The following TK2 variants were observed in gnomAD, a reference collection of about 807,000 sequenced individuals.
TK2 encodes thymidine kinase 2.
Under a neutral mutation model 41.9 loss-of-function variants are expected in TK2, and 35 were observed. The observed-to-expected ratio is 0.84, with a 90% CI of 0.64 to 1.11. The LOEUF is 1.11. Ranked by LOEUF, TK2 falls within the 50% of genes least tolerant of loss-of-function variation. TK2 has a pLI of 0.00. For missense variants in TK2, 320 were observed against 351.1 expected, an observed-to-expected ratio of 0.91 and a Z score of 0.71; for synonymous variants, 128 against 129.1, an observed-to-expected ratio of 0.99 and a Z score of 0.06.
intron 4 of TK2, among the ~76,000 whole-genome samples, chr16:66,535,946 C>T (rs774405601): frequency 2.6e-5 from 4 of 152,090 alleles, no homozygotes; most frequent in Non-Finnish European, 5.9e-5. Context: ...GGCTCACGCC[C>T]GTAATCCCAG....
At chr16:66,549,838 G>C (rs1167099162) in intron 1 of TK2, 100 bp downstream of exon 1, 5 of 1,284,944 alleles carry the variant, frequency 3.9e-6, no homozygotes, top group Non-Finnish European at 4.9e-6. Context: ...CCGCGCCTCG[G>C]AAGAGGCGCT....
At chr16:66,527,919 C>T (rs1964984057) in intron 6 of TK2, among the ~76,000 whole-genome samples, 1 of 152,212 alleles carries the variant, frequency 6.6e-6, no homozygotes, top group Admixed American at 6.5e-5. Context: ...GTAGTCCCAG[C>T]TACTCGGGAG....
At chr16:66,538,147 A>T (rs2032059193) in intron 3 of TK2, among the ~76,000 whole-genome samples, 1 of 152,142 alleles carries the variant, frequency 6.6e-6, no homozygotes, top group South Asian at 2.1e-4. Flanking sequence ...TGGGTGACAG[A>T]GCAAGACTCC....
At chr16:66,524,951 CT>C (rs1165058140) in intron 6 of TK2, 1 of 152,320 alleles carries the variant, frequency 6.6e-6, no homozygotes, top group Non-Finnish European at 1.5e-5. Flanking sequence ...TCCTCATTTG[CT>C]GCTTGCCCCC....
At chr16:66,530,331 T>C (rs1965070952) in intron 5 of TK2, among the ~76,000 whole-genome samples, 2 of 152,332 alleles carry the variant, frequency 1.3e-5, no homozygotes, top group East Asian at 1.9e-4. Context: ...GCTGGCATCA[T>C]AGGTTGTGCT....
Position 66,549,933 on chromosome 16 carries a change from G to T in TK2, c.124+5C>A. The T allele has an allele frequency of 7.4e-7, 1 of 1,353,874 alleles. No individual in the cohort carries two copies. Among genetic ancestry groups the T allele is most frequent in the Non-Finnish European group, 9.4e-7 (1 of 1,062,008 alleles). The allele number at this position is 1,353,874 out of a possible 1,614,324, so 83.9% of individuals were successfully genotyped here. ...CCTGGGAGGCGGGACCAAGACGCGC[G>T]TTACCGGGAGGCCAGGCCCGGCGCT... On this transcript the variant is annotated splice_donor_5th_base_variant and intron_variant, in intron 1 of 9. Transcript: ENST00000544898.
At chr16:66,512,452 A>C (rs1419311618) in intron 9 of TK2, among the ~76,000 whole-genome samples, 2 of 151,736 alleles carry the variant, frequency 1.3e-5, no homozygotes, top group African/African-American at 4.8e-5. Flanking sequence ...TTTTTTCCAT[A>C]ATGAGGGAGA....
upstream of TK2, chr16:66,550,153 C>T: frequency 6.2e-7 from 1 of 1,612,662 alleles, no homozygotes; most frequent in Non-Finnish European, 8.5e-7. Flanking sequence ...CCGCCTGGAT[C>T]CCGGCGCCTG....
At chr16:66,528,928 C>T in intron 6 of TK2, 66 bp downstream of exon 6, 2 of 1,481,044 alleles carry the variant, frequency 1.4e-6, no homozygotes, top group East Asian at 2.3e-5. Flanking sequence ...ATCGAATAAA[C>T]AAGTTTCTAT....
intron 5 of TK2, among the ~76,000 whole-genome samples, chr16:66,529,716 T>C (rs1237376498): frequency 6.6e-6 from 1 of 152,106 alleles, no homozygotes; most frequent in African/African-American, 2.4e-5. Flanking sequence ...AACACTACTC[T>C]CACTTGGCCA....
intron 6 of TK2, among the ~76,000 whole-genome samples, chr16:66,521,955 G>A (rs1964793361): frequency 6.6e-6 from 1 of 152,232 alleles, no homozygotes; most frequent in South Asian, 2.1e-4. Flanking sequence ...CCCAGTCTGT[G>A]CGGAATGGAA....
At chr16:66,525,027 C>T (rs1161323329) in intron 6 of TK2, 1 of 152,284 alleles carries the variant, frequency 6.6e-6, no homozygotes, top group Non-Finnish European at 1.5e-5. Flanking sequence ...GGAAGGAGCA[C>T]TGGCTTTGTA....
Position 66,549,906 on chromosome 16 carries a change from C to G in TK2, c.124+32G>C, listed in dbSNP as rs2144497359. On this transcript the variant is annotated intron_variant, in intron 1 of 9. Coordinates refer to ENST00000544898, the MANE Select transcript of TK2 (RefSeq NM_004614.5). The stretch of plus-strand genomic sequence containing the variant: ...CCGGGAGTAGGTGGGCGCATAGGGG[C>G]TCCTGGGAGGCGGGACCAAGACGCG... The G allele has an allele frequency of 3.0e-6, 4 of 1,342,776 alleles. No individual in the cohort carries two copies. The East Asian group carries it at 8.9e-5, about 30-fold the overall frequency. The allele number at this position is 1,342,776 out of a possible 1,614,324, so 83.2% of individuals were successfully genotyped here. A position where few individuals can be genotyped will look rare whatever the true frequency, so the allele number is the denominator to read the frequency against.
intron 4 of TK2, among the ~76,000 whole-genome samples, chr16:66,532,299 T>C (rs1317334817): frequency 1.3e-5 from 2 of 152,088 alleles, no homozygotes; most frequent in African/African-American, 2.4e-5. Context: ...CCATTTGCGA[T>C]GCTACAAAGA....
chr16:66,516,742 T>C (rs1274090654), intron 8 of TK2, among the ~76,000 whole-genome samples: 1 of 146,358 alleles, frequency 6.8e-6, no homozygotes, highest in Non-Finnish European at 1.6e-5. Flanking sequence ...GATGCAGCAG[T>C]GAACAAGAGG....
chr16:66,530,366 A>C (rs913276313), intron 5 of TK2, among the ~76,000 whole-genome samples: 5 of 152,180 alleles, frequency 3.3e-5, no homozygotes, highest in Admixed American at 6.5e-5. Flanking sequence ...ATAGGTGCTG[A>C]TCAGGACCTC....
intron 2 of TK2, 128 bp downstream of exon 2, chr16:66,548,850 C>T (rs2144491508): frequency 1.1e-6 from 1 of 883,228 alleles, no homozygotes; most frequent in East Asian, 2.4e-5. Context: ...ACTTCCTTCT[C>T]CCTGGAGATC....
upstream of TK2, chr16:66,550,134 C>A: frequency 1.2e-6 from 2 of 1,612,396 alleles, no homozygotes; most frequent in Non-Finnish European, 1.7e-6. Flanking sequence ...CTAGTCCAGC[C>A]GTTGGGCGCC....
chr16:66,521,947 C>T (rs376554907), intron 6 of TK2, among the ~76,000 whole-genome samples: 16 of 152,358 alleles, frequency 1.1e-4, no homozygotes, highest in Middle Eastern at 6.8e-3. Context: ...GAGAGCCCCC[C>T]AGTCTGTGCG....
Sources: allele counts gnomAD v4.1 joint callset (sites outside exome capture counted in the v4.1 genomes callset), GRCh38; gene constraint gnomAD v4.1.1; transcripts MANE v1.5; gene names NCBI Gene and HGNC (gene_info 2026-07-23, HGNC 2026-07-21).